C2orf92: variants seen among roughly 807,000 people sequenced by gnomAD.
C2orf92 encodes uncharacterized protein C2orf92.
At chr2:97,686,481 G>A (rs547118817) in intron 3 of C2orf92, among the ~76,000 whole-genome samples, 45 of 151,932 alleles carry the variant, frequency 3.0e-4, no homozygotes, top group African/African-American at 6.5e-4. Flanking sequence ...GTGCAATGGC[G>A]CGATATCAGC....
intron 1 of C2orf92, among the ~76,000 whole-genome samples, chr2:97,672,034 G>A (rs962533065): frequency 6.6e-6 from 1 of 152,198 alleles, no homozygotes; most frequent in Non-Finnish European, 1.5e-5. Flanking sequence ...AAAAACTAAG[G>A]CCCAGGGAAG....
At chr2:97,666,799 C>T (rs1393085861), upstream of C2orf92, 5 of 143,720 alleles carry the variant, frequency 3.5e-5, no homozygotes, top group East Asian at 8.3e-4. Context: ...GCCCAGATCG[C>T]ACCATTGCAC....
chr2:97,668,465 G>T (rs1675305723), upstream of C2orf92: 1 of 152,124 alleles, frequency 6.6e-6, no homozygotes, highest in Admixed American at 6.5e-5. Context: ...AAGATGTCTT[G>T]CAAGCCCAAG....
At chr2:97,665,704 T>C (rs961138923), upstream of C2orf92, 4 of 81,742 alleles carry the variant, frequency 4.9e-5, no homozygotes, top group African/African-American at 1.9e-4. Flanking sequence ...TCTCTCTCTC[T>C]CTCTCTCTCT....
chr2:97,680,605 A>G (rs1027908328), intron 3 of C2orf92, among the ~76,000 whole-genome samples: 1 of 152,226 alleles, frequency 6.6e-6, no homozygotes, highest in African/African-American at 2.4e-5. Flanking sequence ...TGGAGACTTC[A>G]GTATCCTCCT....
chr2:97,672,690 G>A (rs1395730481), intron 1 of C2orf92, among the ~76,000 whole-genome samples: 3 of 151,906 alleles, frequency 2.0e-5, no homozygotes, highest in African/African-American at 4.9e-5. Flanking sequence ...TGGAGGCCAC[G>A]GCTCAACTCT....
intron 5 of C2orf92, among the ~76,000 whole-genome samples, chr2:97,698,467 T>A (rs574224724): frequency 7.9e-5 from 12 of 152,368 alleles, no homozygotes; most frequent in African/African-American, 2.6e-4. Context: ...TATTTCAGTG[T>A]GGTTAATTTT....
chr2:97,669,881 C>A (rs1200924585), intron 1 of C2orf92, 47 bp downstream of exon 1: 2 of 398,476 alleles, frequency 5.0e-6, no homozygotes, highest in African/African-American at 4.1e-5. Context: ...TCACTTCAAG[C>A]CTAAGTGGGG....
At chr2:97,676,361 G>C (rs2104545683) in intron 3 of C2orf92, among the ~76,000 whole-genome samples, 1 of 149,808 alleles carries the variant, frequency 6.7e-6, no homozygotes, top group South Asian at 2.1e-4. Context: ...TTGAACCCGG[G>C]AGGCGGAGCT....
chr2:97,680,144 C>G (rs550060393), intron 3 of C2orf92, among the ~76,000 whole-genome samples: 3 of 151,854 alleles, frequency 2.0e-5, no homozygotes, highest in African/African-American at 7.2e-5. Context: ...TACTAAAACA[C>G]AAAAATTAGC....
At chr2:97,670,658 C>A (rs2104531007) in intron 1 of C2orf92, 1 of 152,102 alleles carries the variant, frequency 6.6e-6, no homozygotes, top group Admixed American at 6.5e-5. Flanking sequence ...CTCAACATTC[C>A]AGGCCCAAGG....
At chr2:97,670,193 A>T (rs952182670) in intron 1 of C2orf92, 1 of 166,174 alleles carries the variant, frequency 6.0e-6, no homozygotes, top group African/African-American at 2.4e-5. Context: ...TGCACTATTT[A>T]AAAAATAACA....
At chr2:97,674,290 GA>G (rs1675506133) in intron 1 of C2orf92, 165 bp from the exon 2 acceptor site, 1 of 392,210 alleles carries the variant, frequency 2.5e-6, no homozygotes, top group African/African-American at 2.1e-5. Context: ...AAATGTTCTG[GA>G]AATGATTTAG....
chr2:97,665,731 CTCTCTCTATATATATA>C (rs1277241976), upstream of C2orf92: 160 of 23,198 alleles, frequency 6.9e-3, 2 homozygotes, highest in African/African-American at 0.02. Context: ...CTCTCTCTCT[CTCTCTCTATATATATA>C]TATATATATA....
intron 2 of C2orf92, among the ~76,000 whole-genome samples, chr2:97,674,810 T>C (rs1041724404): frequency 2.6e-5 from 4 of 152,194 alleles, no homozygotes; most frequent in African/African-American, 9.7e-5. Context: ...GTCAGGCATG[T>C]TCTGCCACTC....
intron 3 of C2orf92, among the ~76,000 whole-genome samples, chr2:97,684,295 A>T (rs1675880685): frequency 6.6e-6 from 1 of 152,072 alleles, no homozygotes; most frequent in Non-Finnish European, 1.5e-5. Flanking sequence ...TCGGCCTCCC[A>T]AAGTGCTGGG....
chr2:97,664,889 C>G (rs973497611), upstream of C2orf92, among the ~76,000 whole-genome samples: 1 of 152,178 alleles, frequency 6.6e-6, no homozygotes, highest in Admixed American at 6.5e-5. Context: ...AATATTTCCT[C>G]GTTGAGCACT....
At chr2:97,690,386 CTT>C (rs1480000409) in intron 5 of C2orf92, 59 bp downstream of exon 5, 169 of 334,906 alleles carry the variant, frequency 5.0e-4, no homozygotes, top group Middle Eastern at 7.7e-4. Context: ...TCTTTTTCCT[CTT>C]TTTTTTTTTT....
intron 3 of C2orf92, among the ~76,000 whole-genome samples, chr2:97,679,123 GA>G (rs1228920413): frequency 6.7e-6 from 1 of 150,060 alleles, no homozygotes; most frequent in African/African-American, 2.4e-5. Flanking sequence ...AAATGGCAAA[GA>G]GAGCCCTTCA....
Sources: gnomAD v4.1 joint callset for allele counts (sites outside exome capture counted in the v4.1 genomes callset) on GRCh38, gnomAD v4.1.1 for gene constraint, MANE v1.5 for transcripts, NCBI Gene and HGNC (gene_info 2026-07-23, HGNC 2026-07-21) for gene names.